Variants in ADARB2 observed in about 807,000 individuals in gnomAD.
The protein encoded by ADARB2 is adenosine deaminase RNA specific B2 (inactive).
Under a neutral mutation model 62.2 loss-of-function variants are expected in ADARB2, and 25 were observed. The ratio of observed to expected loss-of-function variants is 0.40; its 90% CI spans 0.29 to 0.56. The LOEUF (loss-of-function observed/expected upper bound fraction) is 0.56, where lower values mean the gene tolerates loss of function less well. Ranked by LOEUF, ADARB2 falls within the 20% of genes least tolerant of loss-of-function variation. The pLI, the probability that ADARB2 is intolerant of heterozygous loss-of-function variation, is 0.43. For missense variants in ADARB2, 1,071 were observed against 1,077.4 expected, an observed-to-expected ratio of 0.99 and a Z score of 0.08; for synonymous variants, 572 against 500.8, an observed-to-expected ratio of 1.14 and a Z score of -1.90.
intron 1 of ADARB2, among the ~76,000 whole-genome samples, chr10:1,649,447 C>T (rs1834084340): frequency 6.6e-6 from 1 of 152,194 alleles, no homozygotes; most frequent in Non-Finnish European, 1.5e-5. Flanking sequence ...CTTTCCTGAC[C>T]ATTCTGTCCT....
At chr10:1,332,173 G>C (rs987024622) in intron 3 of ADARB2, among the ~76,000 whole-genome samples, 11 of 152,234 alleles carry the variant, frequency 7.2e-5, no homozygotes, top group African/African-American at 2.7e-4. Flanking sequence ...AGAAGCTGAA[G>C]CAGGCAGACT....
chr10:1,546,363 G>A (rs756270498), intron 1 of ADARB2, among the ~76,000 whole-genome samples: 2 of 152,186 alleles, frequency 1.3e-5, no homozygotes, highest in Admixed American at 6.5e-5. Context: ...CTTACAGACC[G>A]GCCTCCACGG....
chr10:1,473,309 C>T (rs1052553499), intron 1 of ADARB2, among the ~76,000 whole-genome samples: 1 of 152,208 alleles, frequency 6.6e-6, no homozygotes, highest in Non-Finnish European at 1.5e-5. Context: ...ATTGAGGTTG[C>T]CTGCCACAGA....
intron 1 of ADARB2, among the ~76,000 whole-genome samples, chr10:1,510,110 C>CTCTTTCTT (rs35894676): frequency 0.078 from 8,225 of 105,950 alleles, 433 homozygotes; most frequent in East Asian, 0.17. Flanking sequence ...CTTTCTTTCT[C>CTCTTTCTT]TCTTTCTTTC....
intron 3 of ADARB2, among the ~76,000 whole-genome samples, chr10:1,295,811 G>A (rs1314953500): frequency 6.6e-6 from 1 of 152,042 alleles, no homozygotes; most frequent in Non-Finnish European, 1.5e-5. Flanking sequence ...ATTGAATATG[G>A]GAGAAGTACA....
At chr10:1,716,621 T>G (rs4561123) in intron 1 of ADARB2, among the ~76,000 whole-genome samples, 5,940 of 152,318 alleles carry the variant, frequency 0.039, 179 homozygotes, top group Non-Finnish European at 0.065. Flanking sequence ...GTGCGTTACC[T>G]CTAAGAAGTC....
chr10:1,493,601 C>T (rs976112802), intron 1 of ADARB2, among the ~76,000 whole-genome samples: 2 of 152,040 alleles, frequency 1.3e-5, no homozygotes, highest in Non-Finnish European at 2.9e-5. Flanking sequence ...CCTTAATTTA[C>T]CAAGTGTTTG....
At chr10:1,309,833 CG>C (rs1182782406) in intron 3 of ADARB2, among the ~76,000 whole-genome samples, 1 of 152,136 alleles carries the variant, frequency 6.6e-6, no homozygotes, top group Non-Finnish European at 1.5e-5. Flanking sequence ...GCTGCTCTCC[CG>C]GCCCCTATTT....
intron 4 of ADARB2, among the ~76,000 whole-genome samples, chr10:1,250,022 T>C (rs961543831): frequency 1.8e-5 from 2 of 111,582 alleles, no homozygotes; most frequent in African/African-American, 5.2e-5. Context: ...GACCAAGGAC[T>C]ATAGTGAATA....
At chr10:1,532,231 C>CGTT (rs1284125781) in intron 1 of ADARB2, among the ~76,000 whole-genome samples, 4 of 152,086 alleles carry the variant, frequency 2.6e-5, no homozygotes, top group African/African-American at 9.7e-5. Context: ...GAAGACAGAC[C>CGTT]GTTCTGTGAT....
chr10:1,560,361 C>A (rs1832769338), intron 1 of ADARB2, among the ~76,000 whole-genome samples: 2 of 152,218 alleles, frequency 1.3e-5, no homozygotes. Flanking sequence ...TTTCACCCAT[C>A]ACATGCAGCA....
intron 4 of ADARB2, among the ~76,000 whole-genome samples, chr10:1,263,828 A>G (rs1307631074): frequency 1.3e-5 from 2 of 152,058 alleles, no homozygotes; most frequent in East Asian, 3.8e-4. Flanking sequence ...AACTATTTAA[A>G]TGAGCCAGGC....
intron 2 of ADARB2, among the ~76,000 whole-genome samples, chr10:1,373,926 G>A (rs984935833): frequency 2.1e-4 from 32 of 151,166 alleles, no homozygotes; most frequent in African/African-American, 7.8e-4. Flanking sequence ...TGGGCTCCGC[G>A]CACCCTTCCT....
chr10:1,227,869 G>A (rs769738271), intron 6 of ADARB2, among the ~76,000 whole-genome samples: 6 of 152,222 alleles, frequency 3.9e-5, no homozygotes, highest in Non-Finnish European at 5.9e-5. Flanking sequence ...AGTATTCATT[G>A]TAATAATAAT....
At chr10:1,443,568 A>G (rs866132834) in intron 1 of ADARB2, among the ~76,000 whole-genome samples, 6 of 152,140 alleles carry the variant, frequency 3.9e-5, no homozygotes, top group African/African-American at 1.4e-4. Context: ...ACCAGAGGAC[A>G]ATGAAAAATT....
chr10:1,684,069 G>C (rs539396013), intron 1 of ADARB2, among the ~76,000 whole-genome samples: 1 of 152,226 alleles, frequency 6.6e-6, no homozygotes, highest in African/African-American at 2.4e-5. Context: ...AGTGAAGTGC[G>C]TTTCAAAAGC....
intron 3 of ADARB2, among the ~76,000 whole-genome samples, chr10:1,274,608 A>G (rs1300988422): frequency 1.3e-5 from 2 of 152,202 alleles, no homozygotes; most frequent in African/African-American, 4.8e-5. Context: ...ATAACAGTGC[A>G]TGCAAACACA....
intron 1 of ADARB2, among the ~76,000 whole-genome samples, chr10:1,667,920 G>A (rs912592527): frequency 5.3e-5 from 8 of 152,186 alleles, no homozygotes; most frequent in Admixed American, 6.5e-5. Context: ...TGGATCAGGT[G>A]GGGCATCACC....
chr10:1,616,674 A>T (rs796835821), intron 1 of ADARB2, among the ~76,000 whole-genome samples: 59 of 72,894 alleles, frequency 8.1e-4, no homozygotes, highest in Middle Eastern at 0.015. Context: ...CACCCTGCTG[A>T]GCTCTGCATC....
Sources: allele counts gnomAD v4.1 joint callset (sites outside exome capture counted in the v4.1 genomes callset), GRCh38; gene constraint gnomAD v4.1.1; transcripts MANE v1.5; gene names NCBI Gene and HGNC (gene_info 2026-07-23, HGNC 2026-07-21).